Variants in RNF157 observed in about 807,000 individuals in gnomAD.
RNF157 encodes the protein ring finger protein 157, also known as E3 ubiquitin ligase RNF157.
A neutral mutation model predicts 88.3 loss-of-function variants in RNF157; 55 were observed. The ratio of observed to expected loss-of-function variants is 0.62; its 90% CI spans 0.50 to 0.78. The LOEUF (loss-of-function observed/expected upper bound fraction) is 0.78, where lower values mean the gene tolerates loss of function less well. Ranked by LOEUF, RNF157 falls within the 30% of genes least tolerant of loss-of-function variation. The probability of loss-of-function intolerance (pLI) is 0.00; values close to 1 mark genes in which losing one functional copy is unlikely to be tolerated. For missense variants in RNF157, 788 were observed against 860.8 expected (o/e 0.92, Z 1.06); for synonymous variants, 334 against 341.2 (o/e 0.98, Z 0.23).
intron 2 of RNF157, among the ~76,000 whole-genome samples, chr17:76,190,516 C>T (rs1598416538): frequency 1.3e-5 from 2 of 151,044 alleles, no homozygotes; most frequent in South Asian, 4.2e-4. Context: ...CCAGGGAAAT[C>T]GCTTGAGTCC....
chr17:76,202,128 T>TCTCTCTCACACACACACA (rs1250661867), intron 2 of RNF157, among the ~76,000 whole-genome samples: 16 of 134,660 alleles, frequency 1.2e-4, no homozygotes, highest in African/African-American at 3.7e-4. Context: ...TCTCTCTCTC[T>TCTCTCTCACACACACACA]CACACACACA....
chr17:76,211,514 A>C (rs533023578), intron 2 of RNF157, among the ~76,000 whole-genome samples: 1 of 152,354 alleles, frequency 6.6e-6, no homozygotes, highest in South Asian at 2.1e-4. Flanking sequence ...GAGCACTGGA[A>C]AGATTACTGA....
intron 2 of RNF157, among the ~76,000 whole-genome samples, chr17:76,209,126 T>C (rs901000941): frequency 6.6e-6 from 1 of 152,128 alleles, no homozygotes; most frequent in Non-Finnish European, 1.5e-5. Context: ...TCTTGCTATA[T>C]TGCTCAAACT....
At chr17:76,174,879 G>A (rs1045886128) in intron 2 of RNF157, among the ~76,000 whole-genome samples, 3 of 152,172 alleles carry the variant, frequency 2.0e-5, no homozygotes, top group Non-Finnish European at 4.4e-5. Flanking sequence ...TACTCACTTT[G>A]TGGGCATGAT....
chr17:76,155,266 C>T lies in RNF157; in HGVS notation c.1750G>A (p.Glu584Lys), dbSNP rs960571551. The change falls in exon 16 of 19, where the codon GAG becomes AAG. Residue 584 changes from glutamate to lysine, a missense_variant. By Grantham distance (56) the Glu-to-Lys change is moderately conservative. Transcript: ENST00000269391. ...GTTGGGGTTACCTCTGCATCCTGCT[C>T]TCCAGCTGGGAGGCCAGCAAAGTTG... ...DSNFAGLPAGEQDAEGNDVIE... is the reference protein window; with the variant it reads ...DSNFAGLPAGKQDAEGNDVIE... 1 of 1,614,202 alleles carries T rather than the reference C, an allele frequency of 6.2e-7. No individual in the cohort carries two copies. The highest frequency in any genetic ancestry group is 8.5e-7 in the Non-Finnish European group (1 of 1,180,004).
rs765637183 is a variant in RNF157, at chr17:76,155,657, T to A, written c.1603A>T (p.Met535Leu). 5.3e-5 allele frequency: 85 copies of A among 1,613,680 alleles called. No homozygotes were observed. Among genetic ancestry groups the A allele is most frequent in the Non-Finnish European group, 6.7e-5 (79 of 1,179,908 alleles). ...SQISTDTVSS[M>L]SGSYIAPGTE... ...CCAGGGGCGATGTAGGAGCCAGACA[T>A]GGAGGAGACGGTGTCAGTGCTGATC... The change falls in exon 15 of 19, where the codon ATG becomes TTG. Residue 535 changes from methionine to leucine, a missense_variant. Coordinates refer to ENST00000269391, the MANE Select transcript of RNF157 (RefSeq NM_052916.3).
intron 2 of RNF157, among the ~76,000 whole-genome samples, chr17:76,193,117 C>G (rs1434781783): frequency 6.6e-6 from 1 of 152,164 alleles, no homozygotes; most frequent in South Asian, 2.1e-4. Context: ...GAGCACTCAG[C>G]CTTCTCTCAC....
At chr17:76,236,637 A>C (rs80141857) in intron 1 of RNF157, among the ~76,000 whole-genome samples, 1 of 152,242 alleles carries the variant, frequency 6.6e-6, no homozygotes, top group Non-Finnish European at 1.5e-5. Flanking sequence ...ACAATTATTA[A>C]TAAATCTAAA....
intron 1 of RNF157, among the ~76,000 whole-genome samples, chr17:76,230,420 A>G (rs565656894): frequency 6.6e-5 from 10 of 152,336 alleles, no homozygotes; most frequent in African/African-American, 2.4e-4. Context: ...CATGTGCTCT[A>G]TGCAAAGCAT....
chr17:76,177,220 G>A (rs905282152), intron 2 of RNF157, among the ~76,000 whole-genome samples: 1 of 152,122 alleles, frequency 6.6e-6, no homozygotes, highest in African/African-American at 2.4e-5. Flanking sequence ...CCACAGAGCC[G>A]GTGGAAGCCA....
chr17:76,224,119 A>G (rs1054222517), intron 1 of RNF157, among the ~76,000 whole-genome samples: 1 of 152,236 alleles, frequency 6.6e-6, no homozygotes, highest in African/African-American at 2.4e-5. Context: ...CCCAAAATCA[A>G]TAAATTGACT....
At chr17:76,225,728 T>C in intron 1 of RNF157, 1 of 1,497,590 alleles carries the variant, frequency 6.7e-7, no homozygotes, top group South Asian at 1.4e-5. Context: ...ACAAGCACGT[T>C]GACACTCCTG....
intron 1 of RNF157, among the ~76,000 whole-genome samples, chr17:76,239,216 G>C (rs116599401): frequency 2.0e-5 from 3 of 152,164 alleles, no homozygotes; most frequent in Admixed American, 1.3e-4. Flanking sequence ...AAAACTACTT[G>C]CAATTAAAAG....
At chr17:76,186,149 T>A (rs2069282589) in intron 2 of RNF157, among the ~76,000 whole-genome samples, 1 of 152,108 alleles carries the variant, frequency 6.6e-6, no homozygotes, top group African/African-American at 2.4e-5. Context: ...AACTGTAAAC[T>A]GGTCTTCAAG....
chr17:76,153,165 G>C (rs1220651760), intron 17 of RNF157: 4 of 152,216 alleles, frequency 2.6e-5, no homozygotes, highest in African/African-American at 9.7e-5. Flanking sequence ...CACGGGCTAG[G>C]GAATGTCGGT....
At position 76,161,934 on chromosome 17, in the gene RNF157, G is replaced by C. The variant is rs909777454; in HGVS notation, c.861C>G (p.Thr287=). 4.3e-6 allele frequency: 7 copies of C among 1,614,202 alleles called. No homozygotes were observed. The highest frequency in any genetic ancestry group is 3.3e-4 in the Middle Eastern group (2 of 6,062). Residue 287 remains threonine (T), a synonymous_variant, in exon 10 of 19, where the codon ACC becomes ACG. Coordinates refer to ENST00000269391, the MANE Select transcript of RNF157 (RefSeq NM_052916.3). This position sits in a 1 kb window ranked among gnomAD's most constrained non-coding sequence, Gnocchi z 4.6. ...AGAGGTGGCGACAGGGCAGAATCAAGGTGTCCCGGACATCCGAGAGACACA... is the reference window on the plus strand; with the variant it reads ...AGAGGTGGCGACAGGGCAGAATCAACGTGTCCCGGACATCCGAGAGACACA... ...CVVCLSDVRD[T]LILPCRHLCL...
At chr17:76,169,426 A>AT (rs201953508) in intron 3 of RNF157, among the ~76,000 whole-genome samples, 370 of 151,772 alleles carry the variant, frequency 2.4e-3, no homozygotes, top group Middle Eastern at 0.01. Context: ...TTCCAATTAG[A>AT]TTTTTTTTAC....
intron 2 of RNF157, among the ~76,000 whole-genome samples, chr17:76,210,401 TAAC>T (rs2069766683): frequency 6.6e-6 from 1 of 151,424 alleles, no homozygotes; most frequent in African/African-American, 2.4e-5. Context: ...CCATCCTGGC[TAAC>T]ACAGTGAAAC....
chr17:76,159,328 T>A lies in RNF157; in HGVS notation c.1304+7A>T. On this transcript the variant is annotated splice_region_variant and intron_variant, in intron 12 of 18. Coordinates refer to ENST00000269391, the MANE Select transcript of RNF157 (RefSeq NM_052916.3). Reference sequence around the variant, plus strand: ...GGGGGCAACAGTGTGGAGCACTGGCTACTCACTTGGAGAGACTCTTTTTGA... The same window carrying A: ...GGGGGCAACAGTGTGGAGCACTGGCAACTCACTTGGAGAGACTCTTTTTGA... 6.2e-7 allele frequency: 1 copy of A among 1,608,818 alleles called. No individual in the cohort carries two copies. The highest frequency in any genetic ancestry group is 8.5e-7 in the Non-Finnish European group (1 of 1,175,426).
Sources: gnomAD v4.1 joint callset for allele counts (sites outside exome capture counted in the v4.1 genomes callset) on GRCh38, gnomAD v4.1.1 for gene constraint, Gnocchi (gnomAD v3.1) non-coding constraint, MANE v1.5 for transcripts, NCBI Gene and HGNC (gene_info 2026-07-23, HGNC 2026-07-21) for gene names.